The following C4BPA variants were observed in gnomAD, a reference collection of about 807,000 sequenced individuals.
C4BPA encodes the protein complement component 4 binding protein alpha, also known as C4b-binding protein alpha chain.
Under a neutral mutation model 63.7 loss-of-function variants are expected in C4BPA, and 31 were observed. The ratio of observed to expected loss-of-function variants is 0.49; its 90% CI spans 0.37 to 0.66. The LOEUF (loss-of-function observed/expected upper bound fraction) is 0.66. C4BPA is among the 30% of genes least tolerant of loss of function. The pLI is 0.00. For missense variants in C4BPA, 572 were observed against 723.3 expected (o/e 0.79, Z 2.40); for synonymous variants, 259 against 254.7 (o/e 1.02, Z -0.16).
intron 7 of C4BPA, among the ~76,000 whole-genome samples, chr1:207,131,173 G>C (rs1313241254): frequency 6.6e-6 from 1 of 152,276 alleles, no homozygotes; most frequent in Non-Finnish European, 1.5e-5. Context: ...GAGGGGAACG[G>C]CTCCTGTTTA....
chr1:207,119,973 G>T (rs1213832288), intron 4 of C4BPA, among the ~76,000 whole-genome samples: 1 of 152,192 alleles, frequency 6.6e-6, no homozygotes, highest in Non-Finnish European at 1.5e-5. Context: ...CAGCAGTCCT[G>T]CCTGATTTGG....
At chr1:207,128,874 T>G (rs1402075426) in intron 7 of C4BPA, among the ~76,000 whole-genome samples, 1 of 151,976 alleles carries the variant, frequency 6.6e-6, no homozygotes, top group African/African-American at 2.4e-5. Context: ...AAAAAAAAAT[T>G]GTCAGATGTG....
intron 9 of C4BPA, among the ~76,000 whole-genome samples, chr1:207,140,082 A>G (rs532596215): frequency 1.3e-5 from 2 of 152,312 alleles, no homozygotes; most frequent in East Asian, 3.9e-4. Flanking sequence ...GCAATTCATT[A>G]TAATGGTTGC....
rs762693425 is a variant in C4BPA at position 207,141,130 on chromosome 1, C to T, written c.1298C>T (p.Ala433Val). The T allele has an allele frequency of 2.7e-5, 44 of 1,611,232 alleles. No individual in the cohort carries two copies. Among genetic ancestry groups the T allele is most frequent in the Non-Finnish European group, 3.6e-5 (42 of 1,178,858 alleles). ...GDICNFPPKI[A>V]HGHYKQSSSY... ...GTTTGCAATTTTCCTCCTAAAATTG[C>T]CCATGGGCATTATAAACAATCTAGT... Residue 433 changes from alanine to valine, a missense_variant, in exon 10 of 12, where the codon GCC becomes GTC. This residue lies in a region of C4BPA where 465 missense variants were observed against 629.4 expected (regional missense o/e 0.74). Transcript: ENST00000367070.
Position 207,134,386 on chromosome 1 carries a change from T to C in C4BPA, c.1085-18T>C. 1 of 1,597,434 alleles carries C rather than the reference T, an allele frequency of 6.3e-7. No homozygotes were observed. Among genetic ancestry groups the C allele is most frequent in the Non-Finnish European group, 8.6e-7 (1 of 1,168,778 alleles). ...ATGGTGATTTTACTAACCATGCACC[T>C]CACATTTTATTTTTCAGCGTTATGT... On this transcript the variant is annotated intron_variant, in intron 8 of 11. Coordinates refer to ENST00000367070, the MANE Select transcript of C4BPA (RefSeq NM_000715.4).
intron 1 of C4BPA, among the ~76,000 whole-genome samples, chr1:207,110,336 T>C (rs576704536): frequency 1.4e-3 from 219 of 152,358 alleles, no homozygotes; most frequent in Admixed American, 2.4e-3. Context: ...GGAATTCTGG[T>C]TGTCCAGGAT....
intron 8 of C4BPA, among the ~76,000 whole-genome samples, chr1:207,133,501 CAT>C (rs1685207722): frequency 6.6e-6 from 1 of 152,216 alleles, no homozygotes; most frequent in African/African-American, 2.4e-5. Context: ...TGGTGGCTCA[CAT>C]GTGTGACCCC....
chr1:207,126,628 C>CTTG, intron 6 of C4BPA, 85 bp from the exon 7 acceptor site: 1 of 980,698 alleles, frequency 1.0e-6, no homozygotes, highest in Non-Finnish European at 1.6e-6. Context: ...TTGTGTTGCA[C>CTTG]TTGTAACTGG....
chr1:207,142,679 G>A (rs1685444951), intron 10 of C4BPA, among the ~76,000 whole-genome samples: 1 of 152,260 alleles, frequency 6.6e-6, no homozygotes, highest in Non-Finnish European at 1.5e-5. Flanking sequence ...GTGATGATGA[G>A]TATTTTTTCA....
rs187059634 is a variant in C4BPA at position 207,131,815 on chromosome 1, A to T, written c.1084+75A>T. 206 of 980,826 alleles carry T rather than the reference A, an allele frequency of 2.1e-4. No homozygotes were observed. In the African/African-American group the frequency reaches 3.3e-3, roughly 16 times the overall value. 60.8% of individuals were successfully genotyped at this position (980,826 alleles called of 1,614,324 possible). ...CTAGGATTCTCTACCTTAAATGAAT[A>T]TAATTTTATCCCTCACAACAAGTTT... On this transcript the variant is annotated intron_variant, in intron 8 of 11. Coordinates refer to ENST00000367070, the MANE Select transcript of C4BPA (RefSeq NM_000715.4).
chr1:207,114,642 C>T, intron 3 of C4BPA: 2 of 226,050 alleles, frequency 8.8e-6, no homozygotes, highest in Non-Finnish European at 8.7e-6. Flanking sequence ...TACAGGCGTG[C>T]ACCACCACAC....
intron 7 of C4BPA, among the ~76,000 whole-genome samples, chr1:207,128,439 C>T (rs55898603): frequency 0.014 from 2,100 of 152,308 alleles, 43 homozygotes; most frequent in Non-Finnish European, 0.018. Context: ...GAGCAAGCTT[C>T]AAAGACTGTA....
chr1:207,107,019 G>C (rs1236948470), intron 1 of C4BPA, among the ~76,000 whole-genome samples: 1 of 152,078 alleles, frequency 6.6e-6, no homozygotes, highest in African/African-American at 2.4e-5. Context: ...ATGTATTTCG[G>C]GAGGCAAAAG....
chr1:207,143,424 T>C (rs1386925132), intron 10 of C4BPA, among the ~76,000 whole-genome samples: 1 of 152,116 alleles, frequency 6.6e-6, no homozygotes, highest in South Asian at 2.1e-4. Context: ...CCATGGCACA[T>C]GCATACCTAT....
chr1:207,144,421 C>A, intron 11 of C4BPA, 123 bp from the exon 12 acceptor site: 1 of 744,338 alleles, frequency 1.3e-6, no homozygotes, highest in Non-Finnish European at 2.1e-6. Context: ...GTTTTCCCAG[C>A]CTCAACCACC....
intron 6 of C4BPA, among the ~76,000 whole-genome samples, chr1:207,125,764 A>G (rs1002184260): frequency 6.6e-6 from 1 of 152,208 alleles, no homozygotes; most frequent in Non-Finnish European, 1.5e-5. Flanking sequence ...TAGTGAAAGT[A>G]TTTTGTTATA....
At chr1:207,130,724 C>A (rs992229772) in intron 7 of C4BPA, among the ~76,000 whole-genome samples, 1 of 151,996 alleles carries the variant, frequency 6.6e-6, no homozygotes, top group African/African-American at 2.4e-5. Context: ...TGTGTGATTC[C>A]ATTTATTTAA....
chr1:207,119,987 A>G (rs560243409), intron 4 of C4BPA, among the ~76,000 whole-genome samples: 1 of 152,086 alleles, frequency 6.6e-6, no homozygotes, highest in African/African-American at 2.4e-5. Context: ...GATTTGGGTT[A>G]TTATAGTTTT....
intron 6 of C4BPA, 131 bp downstream of exon 6, chr1:207,124,497 T>G: frequency 1.5e-6 from 1 of 687,674 alleles, no homozygotes; most frequent in Non-Finnish European, 2.4e-6. Context: ...ATGCAATCAT[T>G]TATTTGGCCA....
Sources: gnomAD v4.1 joint callset for allele counts (sites outside exome capture counted in the v4.1 genomes callset) on GRCh38, gnomAD v4.1.1 for gene constraint, gnomAD v4.1.1 regional missense constraint, MANE v1.5 for transcripts, NCBI Gene and HGNC (gene_info 2026-07-23, HGNC 2026-07-21) for gene names.